Variants in REV1 observed in about 807,000 individuals in gnomAD.
The protein encoded by REV1 is translesion synthesis protein REV1.
Under a neutral mutation model 137.4 loss-of-function variants are expected in REV1, and 42 were observed. The observed-to-expected ratio is 0.31, with a 90% CI of 0.24 to 0.40. The LOEUF is 0.40. Among genes scored for constraint, REV1 ranks in the 10% least tolerant of loss-of-function variants. The probability of loss-of-function intolerance (pLI) is 1.00; values close to 1 mark genes in which losing one functional copy is unlikely to be tolerated. For missense variants in REV1, 1,282 were observed against 1,490.1 expected (o/e 0.86, Z 2.30); for synonymous variants, 524 against 519.2 (o/e 1.01, Z -0.12).
At chr2:99,433,843 T>C (rs551696417) in intron 8 of REV1, among the ~76,000 whole-genome samples, 95 of 152,136 alleles carry the variant, frequency 6.2e-4, no homozygotes, top group Non-Finnish European at 9.3e-4. Context: ...CTTATTAATA[T>C]CCAAAATTAA....
chr2:99,402,192 GC>G (rs1675563112), intron 22 of REV1, 51 bp downstream of exon 22: 3 of 745,828 alleles, frequency 4.0e-6, no homozygotes, highest in Non-Finnish European at 6.9e-6. Flanking sequence ...TACACCCTCA[GC>G]CATTGTGACA....
chr2:99,459,970 G>C (rs1049588836), intron 3 of REV1, among the ~76,000 whole-genome samples: 7 of 152,250 alleles, frequency 4.6e-5, no homozygotes, highest in South Asian at 2.1e-4. Context: ...TGGGGAGCAT[G>C]GTTAAGAATC....
chr2:99,451,125 T>C (rs542901865), intron 3 of REV1, among the ~76,000 whole-genome samples: 3 of 152,248 alleles, frequency 2.0e-5, no homozygotes, highest in Non-Finnish European at 4.4e-5. Context: ...AGAATAACAG[T>C]GAGAAGTATC....
At chr2:99,423,503 C>T (rs1343815056) in intron 10 of REV1, among the ~76,000 whole-genome samples, 1 of 152,106 alleles carries the variant, frequency 6.6e-6, no homozygotes, top group Non-Finnish European at 1.5e-5. Flanking sequence ...ACTATGCTGA[C>T]CCCTGGTTTA....
intron 11 of REV1, among the ~76,000 whole-genome samples, chr2:99,421,154 C>A (rs558278787): frequency 9.7e-4 from 147 of 151,992 alleles, no homozygotes; most frequent in African/African-American, 3.4e-3. Context: ...CAGAGAGTAA[C>A]AAGACTCAGA....
At chr2:99,455,295 G>C (rs1286642062) in intron 3 of REV1, among the ~76,000 whole-genome samples, 1 of 152,062 alleles carries the variant, frequency 6.6e-6, no homozygotes, top group African/African-American at 2.4e-5. Flanking sequence ...ATAACTTATT[G>C]ATGAGGCAAC....
intron 22 of REV1, 90 bp from the exon 23 acceptor site, chr2:99,401,442 G>GC: frequency 1.3e-6 from 1 of 766,408 alleles, no homozygotes; most frequent in South Asian, 2.3e-5. Flanking sequence ...ATTGACTTTG[G>GC]CAAAAAAAAA....
At chr2:99,425,214 T>C (rs2104641004) in intron 9 of REV1, among the ~76,000 whole-genome samples, 1 of 152,206 alleles carries the variant, frequency 6.6e-6, no homozygotes, top group East Asian at 1.9e-4. Flanking sequence ...TGCCAATTAC[T>C]CATAGGCCTC....
At chr2:99,464,230 A>C (rs965729850) in intron 2 of REV1, among the ~76,000 whole-genome samples, 2 of 152,220 alleles carry the variant, frequency 1.3e-5, no homozygotes, top group Non-Finnish European at 2.9e-5. Flanking sequence ...ATTAAGCTTG[A>C]TTTCAATTAT....
intron 6 of REV1, 110 bp from the exon 7 acceptor site, chr2:99,436,051 G>C (rs1680706150): frequency 1.4e-6 from 1 of 690,158 alleles, no homozygotes; most frequent in Admixed American, 3.0e-5. Flanking sequence ...ACCCAGAATG[G>C]AGTCTTTTTA....
intron 3 of REV1, among the ~76,000 whole-genome samples, chr2:99,455,873 A>C (rs1266503783): frequency 1.3e-5 from 2 of 152,196 alleles, no homozygotes; most frequent in Non-Finnish European, 2.9e-5. Context: ...ATTGTGCTAA[A>C]GTACTTGTCC....
chr2:99,453,135 G>C (rs1383021602), intron 3 of REV1, among the ~76,000 whole-genome samples: 1 of 152,046 alleles, frequency 6.6e-6, no homozygotes. Context: ...CCAAGGGGGA[G>C]GGATCACGAG....
intron 12 of REV1, among the ~76,000 whole-genome samples, chr2:99,414,593 T>C (rs546690066): frequency 6.6e-6 from 1 of 152,364 alleles, no homozygotes; most frequent in Admixed American, 6.5e-5. Context: ...TTGTCAAAGG[T>C]AGACACTTTG....
Position 99,435,846 on chromosome 2 carries a change from G to T in REV1, c.1309C>A (p.Pro437Thr), listed in dbSNP as rs768302521. ...FFVSVGIRNRPDLKGKPVAVT... is the reference protein window; with the variant it reads ...FFVSVGIRNRTDLKGKPVAVT... ...CAAGAATACAGACCTTTGAGATCTG[G>T]TCTATTTCGTATACCCACTGATACA... Residue 437 changes from proline to threonine, a missense_variant, in exon 7 of 23, where the codon CCA (proline) becomes ACA (threonine). By Grantham distance (38) the Pro-to-Thr change is conservative. This residue lies in a region of REV1 where 432 missense variants were observed against 438.0 expected (regional missense o/e 0.99). Transcript: ENST00000258428. 3.8e-6 allele frequency: 6 copies of T among 1,561,960 alleles called. No individual in the cohort carries two copies. The highest frequency in any genetic ancestry group is 3.5e-6 in the Non-Finnish European group (4 of 1,135,430).
chr2:99,467,591 G>A (rs1305575704), intron 1 of REV1, among the ~76,000 whole-genome samples: 1 of 152,164 alleles, frequency 6.6e-6, no homozygotes, highest in Admixed American at 6.5e-5. Context: ...CAAAGTTTCT[G>A]ACAAACAGTG....
At chr2:99,466,592 G>A (rs1684824193) in intron 1 of REV1, among the ~76,000 whole-genome samples, 3 of 152,116 alleles carry the variant, frequency 2.0e-5, no homozygotes, top group Non-Finnish European at 4.4e-5. Context: ...TGCAGGATTT[G>A]GTTTTTGTTT....
chr2:99,411,758 A>G (rs1457114118), intron 13 of REV1, among the ~76,000 whole-genome samples: 1 of 151,680 alleles, frequency 6.6e-6, no homozygotes, highest in Non-Finnish European at 1.5e-5. Flanking sequence ...ATTCTTTTGT[A>G]ACTATGTTAA....
At chr2:99,423,563 T>C (rs1290396499) in intron 10 of REV1, among the ~76,000 whole-genome samples, 1 of 152,132 alleles carries the variant, frequency 6.6e-6, no homozygotes. Context: ...CCTGAGTTAA[T>C]ATGGAATATA....
intron 1 of REV1, among the ~76,000 whole-genome samples, chr2:99,468,093 T>C (rs1685015263): frequency 6.6e-6 from 1 of 151,242 alleles, no homozygotes; most frequent in Admixed American, 6.6e-5. Flanking sequence ...GGCAGGAGAA[T>C]CGCTTGAACC....
Sources: allele counts gnomAD v4.1 joint callset (sites outside exome capture counted in the v4.1 genomes callset), GRCh38; gene constraint gnomAD v4.1.1; regional missense constraint gnomAD v4.1.1; transcripts MANE v1.5; gene names NCBI Gene and HGNC (gene_info 2026-07-23, HGNC 2026-07-21).